CTNNA3: variants seen among roughly 807,000 people sequenced by gnomAD.
CTNNA3 encodes the protein catenin alpha 3.
A neutral mutation model predicts 95.7 loss-of-function variants in CTNNA3; 76 were observed. The observed-to-expected ratio is 0.79, with a 90% CI of 0.66 to 0.96. CTNNA3 has a LOEUF of 0.96. CTNNA3 is among the 40% of genes least tolerant of loss of function. The pLI, the probability that CTNNA3 is intolerant of heterozygous loss-of-function variation, is 0.00. For synonymous variants in CTNNA3, 431 were observed against 374.4 expected (o/e 1.15, Z -1.74); for missense variants, 1,191 against 1,089.8 (o/e 1.09, Z -1.31).
At chr10:66,752,387 A>G (rs2132731790) in intron 9 of CTNNA3, among the ~76,000 whole-genome samples, 1 of 152,284 alleles carries the variant, frequency 6.6e-6, no homozygotes, top group East Asian at 1.9e-4. Flanking sequence ...AGACATCCAT[A>G]TGTAATAAAT....
intron 13 of CTNNA3, among the ~76,000 whole-genome samples, chr10:66,161,127 A>G (rs2084820593): frequency 6.6e-6 from 1 of 152,164 alleles, no homozygotes; most frequent in South Asian, 2.1e-4. Flanking sequence ...GTCCTCATGC[A>G]TTCTGCAGTT....
intron 9 of CTNNA3, among the ~76,000 whole-genome samples, chr10:66,722,697 A>G (rs897332191): frequency 6.6e-6 from 1 of 152,126 alleles, no homozygotes; most frequent in African/African-American, 2.4e-5. Flanking sequence ...TCAACAGTGC[A>G]TTCCTGAGGG....
At chr10:66,039,190 G>A (rs1357071696) in intron 15 of CTNNA3, among the ~76,000 whole-genome samples, 1 of 152,176 alleles carries the variant, frequency 6.6e-6, no homozygotes, top group African/African-American at 2.4e-5. Flanking sequence ...GGCAGCCAGG[G>A]AGGTGAAAGA....
rs1385079878 is a variant in CTNNA3, at chr10:66,371,547, A to G, written c.1732+7605T>C. 2.0e-5 allele frequency among the ~76,000 whole-genome samples: 3 copies of G among 152,160 alleles called. No homozygotes were observed. The East Asian group carries it at 5.8e-4, about 29-fold the overall frequency. On this transcript the variant is annotated intron_variant, in intron 12 of 17. Coordinates refer to ENST00000433211, the MANE Select transcript of CTNNA3 (RefSeq NM_013266.4). Reference sequence around the variant, plus strand: ...GCTGAAGGGCAATGTTCTTGGTTGCATAATATGGATGCAAGTAGTTCCATT... The same window carrying G: ...GCTGAAGGGCAATGTTCTTGGTTGCGTAATATGGATGCAAGTAGTTCCATT...
chr10:67,150,803 C>G (rs1354156025), intron 7 of CTNNA3, among the ~76,000 whole-genome samples: 1 of 152,096 alleles, frequency 6.6e-6, no homozygotes, highest in African/African-American at 2.4e-5. Context: ...AGGAGGCCAA[C>G]AACACATCAT....
At chr10:66,897,264 G>T (rs1252064528) in intron 7 of CTNNA3, among the ~76,000 whole-genome samples, 3 of 152,018 alleles carry the variant, frequency 2.0e-5, no homozygotes, top group African/African-American at 4.8e-5. Flanking sequence ...ATGTGTGTGT[G>T]TATGTGTGTA....
At chr10:67,395,910 G>T (rs979997019) in intron 5 of CTNNA3, among the ~76,000 whole-genome samples, 9 of 152,054 alleles carry the variant, frequency 5.9e-5, no homozygotes, top group Non-Finnish European at 1.0e-4. Context: ...ACAAGTCTTG[G>T]TTTCCATTTC....
chr10:66,165,391 T>C (rs779664657), intron 13 of CTNNA3, among the ~76,000 whole-genome samples: 1 of 152,182 alleles, frequency 6.6e-6, no homozygotes, highest in Non-Finnish European at 1.5e-5. Context: ...GGATCAATCA[T>C]ACATCAATTT....
intron 5 of CTNNA3, among the ~76,000 whole-genome samples, chr10:67,333,763 T>A (rs1841884243): frequency 6.6e-6 from 1 of 152,164 alleles, no homozygotes; most frequent in African/African-American, 2.4e-5. Context: ...ACTGGCCTCC[T>A]TGGGCCTCAG....
rs368300137 is a variant in CTNNA3 at position 66,979,611 on chromosome 10, C to T, written c.1047+200706G>A. 6.8e-4 allele frequency among the ~76,000 whole-genome samples: 104 copies of T among 152,162 alleles called. 1 individual carries two copies. Among genetic ancestry groups the T allele is most frequent in the Middle Eastern group, 3.4e-3 (1 of 294 alleles). On this transcript the variant is annotated intron_variant, in intron 7 of 17. Coordinates refer to ENST00000433211, the MANE Select transcript of CTNNA3 (RefSeq NM_013266.4). Reference sequence around the variant, plus strand: ...TGTTAACCATTCTATCCCTCAATTGCCACATCAGTAAAATGGGGAGTATAA... The same window carrying T: ...TGTTAACCATTCTATCCCTCAATTGTCACATCAGTAAAATGGGGAGTATAA...
chr10:66,754,927 T>G (rs1241118665), intron 9 of CTNNA3, among the ~76,000 whole-genome samples: 1 of 152,108 alleles, frequency 6.6e-6, no homozygotes, highest in Non-Finnish European at 1.5e-5. Flanking sequence ...CATAGAGTTA[T>G]CATATGACCG....
At chr10:67,719,142 T>G (rs1374565489) in intron 1 of CTNNA3, among the ~76,000 whole-genome samples, 1 of 152,186 alleles carries the variant, frequency 6.6e-6, no homozygotes, top group Admixed American at 6.5e-5. Flanking sequence ...GTGGGATCAG[T>G]GGTGATAACC....
chr10:66,735,394 A>C (rs1849101288), intron 9 of CTNNA3, among the ~76,000 whole-genome samples: 1 of 152,036 alleles, frequency 6.6e-6, no homozygotes, highest in South Asian at 2.1e-4. Flanking sequence ...GACTAATGGT[A>C]CATTAAGAAT....
intron 13 of CTNNA3, among the ~76,000 whole-genome samples, chr10:66,109,245 G>T (rs1280515800): frequency 2.0e-5 from 3 of 152,194 alleles, no homozygotes; most frequent in Non-Finnish European, 4.4e-5. Context: ...GTGGGTAAAT[G>T]ACAGGGTCGG....
chr10:66,957,426 ATG>A (rs1848869713), intron 7 of CTNNA3, among the ~76,000 whole-genome samples: 1 of 27,034 alleles, frequency 3.7e-5, no homozygotes, highest in Non-Finnish European at 6.5e-5. Flanking sequence ...ATATATATAT[ATG>A]CATATATATA....
At chr10:67,481,437 A>G (rs1259112042) in intron 5 of CTNNA3, among the ~76,000 whole-genome samples, 1 of 152,204 alleles carries the variant, frequency 6.6e-6, no homozygotes, top group Non-Finnish European at 1.5e-5. Context: ...AAGTGTCAGG[A>G]TACAAAATCA....
At position 65,998,072 on chromosome 10, in the gene CTNNA3, A is replaced by G. The variant is rs183987846; in HGVS notation, c.2160-9275T>C. Among the ~76,000 whole-genome samples, 961 of 152,328 alleles carry G rather than the reference A, an allele frequency of 6.3e-3. 7 individuals are homozygous for G. The highest frequency in any genetic ancestry group is 0.022 in the African/African-American group (899 of 41,578). On this transcript the variant is annotated intron_variant, in intron 15 of 17. Coordinates refer to ENST00000433211, the MANE Select transcript of CTNNA3 (RefSeq NM_013266.4). The stretch of plus-strand genomic sequence containing the variant: ...TTGAGTATAATATAAAGCTGGAGTC[A>G]TGTTATCTTGGTTCCTAATGCCACA...
intron 13 of CTNNA3, among the ~76,000 whole-genome samples, chr10:66,261,906 C>A (rs1911477): frequency 0.045 from 6,839 of 151,902 alleles, 265 homozygotes; most frequent in African/African-American, 0.1. Flanking sequence ...ACACTTTGAC[C>A]CACTCCAAAA....
Position 67,705,676 on chromosome 10 carries a change from C to T in CTNNA3, c.-2+57758G>A, listed in dbSNP as rs1564837097. Among the ~76,000 whole-genome samples, 4 of 145,660 alleles carry T rather than the reference C, an allele frequency of 2.7e-5. No individual in the cohort carries two copies. The Admixed American group carries it at 2.8e-4, about 10-fold the overall frequency. On this transcript the variant is annotated intron_variant, in intron 1 of 17. Coordinates refer to the CTNNA3 transcript ENST00000684154. ...ATAGCTTTAGGAGATATACCTAATG[C>T]TAAATGACGAGTTAATGGGTGCAGC...
Sources: allele counts gnomAD v4.1 joint callset (sites outside exome capture counted in the v4.1 genomes callset), GRCh38; gene constraint gnomAD v4.1.1; transcripts MANE v1.5; gene names NCBI Gene and HGNC (gene_info 2026-07-23, HGNC 2026-07-21).